The following GNA12 variants were observed in gnomAD, a reference collection of about 807,000 sequenced individuals.
GNA12 encodes the protein G protein subunit alpha 12.
In GNA12, 9 loss-of-function variants were observed where a neutral mutation model predicts 26.0. The observed-to-expected ratio is 0.35, with a 90% CI of 0.21 to 0.60. GNA12 has a LOEUF of 0.60. Among genes scored for constraint, GNA12 ranks in the 20% least tolerant of loss-of-function variants. GNA12 has a pLI of 0.78. For synonymous variants in GNA12, 264 were observed against 219.6 expected (o/e 1.20, Z -1.79); for missense variants, 405 against 525.8 (o/e 0.77, Z 2.25).
Position 2,801,878 on chromosome 7 carries a change from C to T in GNA12, c.310-6735G>A, listed in dbSNP as rs565375045. On this transcript the variant is annotated intron_variant, in intron 1 of 3. Coordinates refer to ENST00000275364, the MANE Select transcript of GNA12 (RefSeq NM_007353.3). Reference sequence around the variant, plus strand: ...CTTCCTTTTTAGAGAGAGACGTAAGCTCTCTCTGGAGTTTAAAGCCTGTAA... The same window carrying T: ...CTTCCTTTTTAGAGAGAGACGTAAGTTCTCTCTGGAGTTTAAAGCCTGTAA... Among the ~76,000 whole-genome samples, 6 of 152,274 alleles carry T rather than the reference C, an allele frequency of 3.9e-5. No individual in the cohort carries two copies. In the South Asian group the frequency reaches 1.2e-3, roughly 32 times the overall value.
Position 2,731,099 on chromosome 7 carries a change from C to T in GNA12, c.*82G>A. 1.1e-6 allele frequency: 1 copy of T among 931,700 alleles called. No individual in the cohort carries two copies. The highest frequency in any genetic ancestry group is 2.4e-5 in the East Asian group (1 of 41,484). The allele number at this position is 931,700 out of a possible 1,614,324, so 57.7% of individuals were successfully genotyped here. On this transcript the variant is annotated 3_prime_UTR_variant, in exon 4 of 4. Transcript: ENST00000275364. The surrounding 1 kb of genome is among the most constrained non-coding windows in gnomAD (Gnocchi z 6.0). ...CGGATCCGAGAAACCCACTCAAGGA[C>T]CACACAGACAACACACACCCAAGAG...
At chr7:2,837,197 C>T (rs777935496) in intron 1 of GNA12, among the ~76,000 whole-genome samples, 28 of 90,920 alleles carry the variant, frequency 3.1e-4, no homozygotes, top group Non-Finnish European at 4.7e-4. Context: ...CACCACGAGG[C>T]AGAAAGAGGG....
At chr7:2,780,092 AT>A (rs1792191060) in intron 2 of GNA12, among the ~76,000 whole-genome samples, 3 of 125,556 alleles carry the variant, frequency 2.4e-5, no homozygotes, top group East Asian at 2.4e-4. Context: ...ATATATATAT[AT>A]GCCTGTTTTC....
At chr7:2,808,766 C>G (rs1315038946) in intron 1 of GNA12, among the ~76,000 whole-genome samples, 2 of 152,184 alleles carry the variant, frequency 1.3e-5, no homozygotes, top group Non-Finnish European at 2.9e-5. Flanking sequence ...CACACTTGTC[C>G]CCTTCAGTCT....
chr7:2,803,711 C>G (rs1038952808), intron 1 of GNA12, among the ~76,000 whole-genome samples: 2 of 151,790 alleles, frequency 1.3e-5, no homozygotes, highest in Non-Finnish European at 2.9e-5. Context: ...AGAGAAAACT[C>G]TGGGTTTAGG....
At chr7:2,781,412 C>CTGTGTGTGTGTGTGTGTGTGTGTG (rs58348546) in intron 2 of GNA12, among the ~76,000 whole-genome samples, 8 of 143,616 alleles carry the variant, frequency 5.6e-5, no homozygotes, top group Non-Finnish European at 1.1e-4. Flanking sequence ...AAGTAAGTGT[C>CTGTGTGTGTGTGTGTGTGTGTGTG]TGTGTGTGTG....
chr7:2,779,325 G>A (rs1792160984), intron 2 of GNA12, among the ~76,000 whole-genome samples: 1 of 152,158 alleles, frequency 6.6e-6, no homozygotes. Flanking sequence ...TCCAGCTTGG[G>A]TGACAGAGCC....
At chr7:2,838,654 A>G (rs1009270591) in intron 1 of GNA12, among the ~76,000 whole-genome samples, 2 of 152,192 alleles carry the variant, frequency 1.3e-5, no homozygotes, top group Non-Finnish European at 2.9e-5. Flanking sequence ...ATGATGCAAC[A>G]ATATGCTGTC....
rs779485704 is a variant in GNA12 at position 2,746,836 on chromosome 7, TATC to T, written c.526-13338_526-13336del. On this transcript the variant is annotated intron_variant, in intron 2 of 3. Coordinates refer to ENST00000275364, the MANE Select transcript of GNA12 (RefSeq NM_007353.3). ...ATGCAATAAAAAATGATAAAGGGGATATCATCACCAATCCCACAGAAATACAAA... is the reference window on the plus strand; with the variant it reads ...ATGCAATAAAAAATGATAAAGGGGATATCACCAATCCCACAGAAATACAAA... 9.5e-3 allele frequency among the ~76,000 whole-genome samples: 1,440 copies of T among 152,110 alleles called. 12 individuals carry two copies. Among genetic ancestry groups the T allele is most frequent in the Middle Eastern group, 0.075 (22 of 292 alleles).
chr7:2,747,761 T>C (rs1790837795), intron 2 of GNA12, among the ~76,000 whole-genome samples: 1 of 152,134 alleles, frequency 6.6e-6, no homozygotes, highest in Admixed American at 6.5e-5. Context: ...TGATTGTATA[T>C]TATCTAGAAA....
At chr7:2,735,354 G>A (rs919133718) in intron 2 of GNA12, among the ~76,000 whole-genome samples, 2 of 152,220 alleles carry the variant, frequency 1.3e-5, no homozygotes, top group Non-Finnish European at 2.9e-5. Flanking sequence ...GGAAGCAGAG[G>A]CAGTTCTCCT....
intron 1 of GNA12, among the ~76,000 whole-genome samples, chr7:2,842,273 C>T (rs1471328891): frequency 3.3e-5 from 5 of 152,116 alleles, no homozygotes; most frequent in African/African-American, 9.7e-5. Flanking sequence ...CACAGGCTCA[C>T]GGTACTGAGA....
At chr7:2,798,073 C>A (rs1792721748) in intron 1 of GNA12, among the ~76,000 whole-genome samples, 1 of 152,176 alleles carries the variant, frequency 6.6e-6, no homozygotes, top group African/African-American at 2.4e-5. Context: ...TTCCCTCCAA[C>A]ACTAGGAAAA....
intron 1 of GNA12, among the ~76,000 whole-genome samples, chr7:2,813,559 G>T (rs764165496): frequency 6.6e-6 from 1 of 152,150 alleles, no homozygotes; most frequent in Non-Finnish European, 1.5e-5. Context: ...GGGACATTCC[G>T]GGAGAGCTCT....
chr7:2,834,946 C>T (rs959318811), intron 1 of GNA12, among the ~76,000 whole-genome samples: 1 of 152,064 alleles, frequency 6.6e-6, no homozygotes, highest in African/African-American at 2.4e-5. Context: ...TTAAGCAATG[C>T]GTGACTATGC....
In GNA12 at chr7:2,844,257, C is replaced by A. The variant is rs959737901; in HGVS notation, c.-96G>T. On this transcript the variant is annotated 5_prime_UTR_variant, in exon 1 of 4. Transcript: ENST00000275364. ...CCCGGGCCGAGGCACCGCCCCACGC[C>A]CCGCCGCTCGCCTCAGGCCGCGTCC... The A allele has an allele frequency of 7.2e-6, 4 of 558,196 alleles. No individual in the cohort carries two copies. Among genetic ancestry groups the A allele is most frequent in the African/African-American group, 6.2e-5 (3 of 48,760 alleles). 34.6% of individuals were successfully genotyped at this position (558,196 alleles called of 1,614,324 possible). A position where few individuals can be genotyped will look rare whatever the true frequency, so the allele number is the denominator to read the frequency against.
intron 2 of GNA12, among the ~76,000 whole-genome samples, chr7:2,749,065 AC>A (rs1790901794): frequency 6.6e-6 from 1 of 152,182 alleles, no homozygotes; most frequent in South Asian, 2.1e-4. Flanking sequence ...TGTTGGTGGG[AC>A]TGTAAACTAG....
intron 2 of GNA12, among the ~76,000 whole-genome samples, chr7:2,792,601 A>G (rs774664110): frequency 9.9e-5 from 15 of 152,208 alleles, no homozygotes; most frequent in Non-Finnish European, 1.6e-4. Flanking sequence ...AGACTCTGTG[A>G]GTGTATGGGG....
chr7:2,803,241 C>T (rs1792857480), intron 1 of GNA12, among the ~76,000 whole-genome samples: 3 of 152,182 alleles, frequency 2.0e-5, no homozygotes, highest in South Asian at 4.1e-4. Context: ...AGGACAGGAC[C>T]GTCGGAGGAC....
Sources: gnomAD v4.1 joint callset for allele counts (sites outside exome capture counted in the v4.1 genomes callset) on GRCh38, gnomAD v4.1.1 for gene constraint, Gnocchi (gnomAD v3.1) non-coding constraint, MANE v1.5 for transcripts, NCBI Gene and HGNC (gene_info 2026-07-23, HGNC 2026-07-21) for gene names.